The following LY75 variants were observed in gnomAD, a reference collection of about 807,000 sequenced individuals.
LY75 encodes the protein lymphocyte antigen 75, also known as C-type lectin domain family 13 member B.
LY75 carries 185 observed loss-of-function variants against 231.7 expected under a neutral mutation model. The observed-to-expected ratio is 0.80, with a 90% confidence interval of 0.71 to 0.90. LY75 has a LOEUF of 0.90. Among genes scored for constraint, LY75 ranks in the 40% least tolerant of loss-of-function variants. LY75 has a pLI of 0.00. For missense variants in LY75, 1,947 were observed against 2,050.2 expected (o/e 0.95, Z 0.97); for synonymous variants, 668 against 689.0 (o/e 0.97, Z 0.48).
chr2:159,888,601 A>T (rs1685663372), intron 4 of LY75, among the ~76,000 whole-genome samples: 4 of 152,206 alleles, frequency 2.6e-5, no homozygotes, highest in Admixed American at 2.6e-4. Flanking sequence ...ATTTCCAGTT[A>T]TTATAAAATA....
At chr2:159,901,774 C>T (rs1686088086) in intron 1 of LY75, among the ~76,000 whole-genome samples, 1 of 152,202 alleles carries the variant, frequency 6.6e-6, no homozygotes, top group Non-Finnish European at 1.5e-5. Flanking sequence ...ACCAAGTATG[C>T]AATTTCAATG....
chr2:159,844,022 C>T (rs1352299694), intron 23 of LY75, among the ~76,000 whole-genome samples: 6 of 151,900 alleles, frequency 3.9e-5, no homozygotes, highest in African/African-American at 7.2e-5. Flanking sequence ...TAGGTAGTTC[C>T]CCCAAACTTT....
intron 28 of LY75, among the ~76,000 whole-genome samples, chr2:159,825,063 C>G (rs1452280481): frequency 6.6e-6 from 1 of 152,012 alleles, no homozygotes; most frequent in Non-Finnish European, 1.5e-5. Context: ...GAAGCAACAG[C>G]AAACAAATTC....
chr2:159,891,685 A>T (rs1685761948), intron 3 of LY75, among the ~76,000 whole-genome samples: 1 of 152,202 alleles, frequency 6.6e-6, no homozygotes, highest in South Asian at 2.1e-4. Context: ...AAAGGCACCA[A>T]GATACATTCC....
Position 159,854,888 on chromosome 2 carries a change from A to T in LY75, c.2419+16T>A. 6.2e-7 allele frequency: 1 copy of T among 1,613,462 alleles called. No homozygotes were observed. Among genetic ancestry groups the T allele is most frequent in the Non-Finnish European group, 8.5e-7 (1 of 1,179,682 alleles). ...GTAAAAGCAGCTTTGGTTAAATTTC[A>T]GTTTTCTTAACTCACCTGGATTGTA... is the stretch of plus-strand genomic sequence containing the variant. On this transcript the variant is annotated intron_variant, in intron 17 of 34. Coordinates refer to ENST00000263636, the MANE Select transcript of LY75 (RefSeq NM_002349.4).
chr2:159,810,599 G>T lies in LY75; in HGVS notation c.4626C>A (p.Tyr1542Ter), dbSNP rs1202322227. 6.2e-7 allele frequency: 1 copy of T among 1,614,032 alleles called. No homozygotes were observed. ...AKENGSRWIQ[Y>*]KGHCYKSDQA... ...GATCAGACTTGTAACAGTGACCCTT[G>T]TACTGGATCCACCGTGACCCATTCT... is the stretch of plus-strand genomic sequence containing the variant. Residue 1542 changes from tyrosine (Y) to a stop codon, truncating the protein, a stop_gained, in exon 32 of 35, where the codon TAC (tyrosine) becomes TAA (stop). Transcript: ENST00000263636. LOFTEE classifies it high-confidence loss of function.
At chr2:159,857,079 G>T (rs1419461348) in intron 16 of LY75, among the ~76,000 whole-genome samples, 1 of 152,166 alleles carries the variant, frequency 6.6e-6, no homozygotes, top group Non-Finnish European at 1.5e-5. Context: ...TTGTTTAAAG[G>T]ATATCCAAAC....
chr2:159,858,518 C>T, intron 15 of LY75, 42 bp from the exon 16 acceptor site: 2 of 1,580,542 alleles, frequency 1.3e-6, no homozygotes, highest in South Asian at 1.2e-5. Flanking sequence ...GAAGTTGATA[C>T]ATCCCTTATG....
At position 159,842,198 on chromosome 2, in the gene LY75, T is replaced by TATATATATATATATATATAC. The variant is rs774428351; in HGVS notation, c.3280+46_3280+47insGTATATATATATATATATAT. 34 of 1,572,314 alleles carry TATATATATATATATATATAC rather than the reference T, an allele frequency of 2.2e-5. No individual in the cohort carries two copies. In the African/African-American group the frequency reaches 4.0e-4, roughly 19 times the overall value. On this transcript the variant is annotated intron_variant, in intron 24 of 34. Transcript: ENST00000263636. The stretch of plus-strand genomic sequence containing the variant: ...GACTCTCTCTCTCTCTATATATATA[T>TATATATATATATATATATAC]ATGTAATAGCATAAAGTACCATAGT...
chr2:159,888,705 C>T (rs934849535), intron 4 of LY75, among the ~76,000 whole-genome samples: 2 of 152,242 alleles, frequency 1.3e-5, no homozygotes, highest in South Asian at 4.1e-4. Flanking sequence ...TGAAAAACAA[C>T]CCATGAGACC....
Position 159,890,282 on chromosome 2 carries a change from C to T in LY75, c.733G>A (p.Val245Ile). 1.2e-6 allele frequency: 2 copies of T among 1,613,534 alleles called. No homozygotes were observed. The highest frequency in any genetic ancestry group is 8.5e-7 in the Non-Finnish European group (1 of 1,179,698). Residue 245 changes from valine to isoleucine, a missense_variant, in exon 4 of 35, where the codon GTT becomes ATT. Val to Ile is a conservative substitution (Grantham distance 29). Coordinates refer to ENST00000263636, the MANE Select transcript of LY75 (RefSeq NM_002349.4). ...QTALSWKEAY[V>I]SCQNQGADLL... is the part of the protein sequence containing the mutation. ...TCAGCTCCTTGATTCTGACATGAAA[C>T]ATAAGCTTCTTTCCAAGAAAGAGCC...
chr2:159,875,511 G>T lies in LY75; in HGVS notation c.1907C>A (p.Ser636Tyr). Residue 636 changes from serine (S) to tyrosine (Y), a missense_variant, in exon 12 of 35, where the codon TCC (serine) becomes TAC (tyrosine). Coordinates refer to ENST00000263636, the MANE Select transcript of LY75 (RefSeq NM_002349.4). ...AGGACAGGGGTCATCAGGCTTAGGG[G>T]ATGCTTCTTCAGGCCCAAGGGGTCC... The part of the protein sequence containing the change: ...MSGPLGPEEA[S>Y]PKPDDPCPEG... 6.2e-7 allele frequency: 1 copy of T among 1,614,064 alleles called. No individual in the cohort carries two copies. Among genetic ancestry groups the T allele is most frequent in the Non-Finnish European group, 8.5e-7 (1 of 1,179,990 alleles).
At chr2:159,825,124 C>T (rs910190473) in intron 28 of LY75, among the ~76,000 whole-genome samples, 3 of 151,688 alleles carry the variant, frequency 2.0e-5, no homozygotes, top group Non-Finnish European at 2.9e-5. Context: ...GAACTGAAGG[C>T]GATAGAGACA....
At chr2:159,846,126 T>C (rs866009758) in intron 23 of LY75, among the ~76,000 whole-genome samples, 20 of 151,954 alleles carry the variant, frequency 1.3e-4, no homozygotes, top group Middle Eastern at 3.4e-3. Context: ...TAAATGATGC[T>C]AGAACAAGTG....
chr2:159,842,087 T>C (rs760534660), intron 24 of LY75, among the ~76,000 whole-genome samples, 158 bp downstream of exon 24: 7 of 152,048 alleles, frequency 4.6e-5, no homozygotes, highest in Non-Finnish European at 1.0e-4. Context: ...GTAGGATTGT[T>C]ACATGGTGTA....
intron 13 of LY75, chr2:159,871,848 C>T (rs79217326): frequency 0.018 from 2,686 of 152,134 alleles, 40 homozygotes; most frequent in African/African-American, 0.036. Flanking sequence ...GATATAAATA[C>T]ACACACACGC....
At chr2:159,843,781 C>T (rs1477085069) in intron 23 of LY75, among the ~76,000 whole-genome samples, 2 of 151,920 alleles carry the variant, frequency 1.3e-5, no homozygotes, top group African/African-American at 2.4e-5. Flanking sequence ...TATTTCAAGA[C>T]ACATAGAAGA....
rs114821641 is a variant in LY75 at position 159,858,447 on chromosome 2, C to T, written c.2298G>A (p.Trp766Ter). The T allele has an allele frequency of 1.8e-3, 2,928 of 1,612,958 alleles. 4 individuals carry two copies. The highest frequency in any genetic ancestry group is 2.3e-3 in the Non-Finnish European group (2,669 of 1,179,564). Reference protein sequence around the residue: ...KVFHRPWRRGWHFYDDREFIY... With the variant: ...KVFHRPWRRG ...TAAATTCTCTATCATCATAGAAATG[C>T]CAGCCTCTTCGCCATGGCCTATGAA... The change falls in exon 16 of 35, where the codon TGG (tryptophan) becomes TGA (stop). Residue 766 changes from tryptophan to a stop codon, truncating the protein, a stop_gained. Coordinates refer to ENST00000263636, the MANE Select transcript of LY75 (RefSeq NM_002349.4). LOFTEE classifies it high-confidence loss of function.
chr2:159,815,893 A>C (rs1054689302), intron 30 of LY75, among the ~76,000 whole-genome samples: 2 of 152,166 alleles, frequency 1.3e-5, no homozygotes, highest in Non-Finnish European at 2.9e-5. Flanking sequence ...ATTTGTCATA[A>C]TTACAAATTT....
Sources: gnomAD v4.1 joint callset for allele counts (sites outside exome capture counted in the v4.1 genomes callset) on GRCh38, gnomAD v4.1.1 for gene constraint, MANE v1.5 for transcripts, NCBI Gene and HGNC (gene_info 2026-07-23, HGNC 2026-07-21) for gene names.